P4HA1: variants seen among roughly 807,000 people sequenced by gnomAD.
P4HA1 encodes the protein prolyl 4-hydroxylase subunit alpha-1.
P4HA1 carries 24 observed loss-of-function variants against 72.8 expected under a neutral mutation model. The observed-to-expected ratio is 0.33, with a 90% CI of 0.24 to 0.46. The LOEUF is 0.46. P4HA1 is among the 20% of genes least tolerant of loss of function. P4HA1 has a pLI of 1.00. For missense variants in P4HA1, 446 were observed against 640.6 expected (o/e 0.70, Z 3.28); for synonymous variants, 201 against 218.8 (o/e 0.92, Z 0.72).
chr10:73,055,910 A>G (rs1435730210), intron 5 of P4HA1, among the ~76,000 whole-genome samples: 1 of 152,226 alleles, frequency 6.6e-6, no homozygotes, highest in Non-Finnish European at 1.5e-5. Context: ...TAATATGTCC[A>G]AGGTCACATG....
chr10:73,057,229 G>A (rs988927753), intron 5 of P4HA1, among the ~76,000 whole-genome samples: 7 of 152,104 alleles, frequency 4.6e-5, no homozygotes, highest in East Asian at 1.9e-4. Flanking sequence ...GGTGGCTCAC[G>A]CCTGTAATCC....
chr10:73,093,907 T>TATATACACAC (rs1256283876), intron 1 of P4HA1, among the ~76,000 whole-genome samples: 4 of 55,596 alleles, frequency 7.2e-5, no homozygotes, highest in African/African-American at 2.8e-4. Flanking sequence ...TATATATATA[T>TATATACACAC]ACACACACAC....
chr10:73,022,866 G>T (rs148746844), intron 10 of P4HA1, among the ~76,000 whole-genome samples: 2 of 152,182 alleles, frequency 1.3e-5, no homozygotes, highest in African/African-American at 4.8e-5. Context: ...TTCGGTAGCC[G>T]ATTTGATCAA....
intron 1 of P4HA1, among the ~76,000 whole-genome samples, chr10:73,080,090 G>A (rs1445113888): frequency 6.6e-6 from 1 of 152,178 alleles, no homozygotes; most frequent in Non-Finnish European, 1.5e-5. Flanking sequence ...CCAGGGCCCT[G>A]ATTCTTTGCA....
chr10:73,037,618 A>G (rs1253928393), intron 9 of P4HA1, among the ~76,000 whole-genome samples: 4 of 133,388 alleles, frequency 3.0e-5, no homozygotes, highest in Admixed American at 2.4e-4. Context: ...GTCACACCCC[A>G]AAGTGCCAGT....
intron 10 of P4HA1, among the ~76,000 whole-genome samples, chr10:73,021,707 C>G (rs976689923): frequency 1.3e-5 from 2 of 152,190 alleles, no homozygotes; most frequent in East Asian, 3.8e-4. Flanking sequence ...CCAGGAAGCA[C>G]AAGGAGTCAG....
intron 10 of P4HA1, among the ~76,000 whole-genome samples, chr10:73,025,648 A>G: frequency 6.6e-6 from 1 of 151,918 alleles, no homozygotes; most frequent in African/African-American, 2.4e-5. Flanking sequence ...AAGGGTATTC[A>G]ATTAGGAAAA....
At chr10:73,088,333 G>A (rs991293066) in intron 1 of P4HA1, among the ~76,000 whole-genome samples, 2 of 152,196 alleles carry the variant, frequency 1.3e-5, no homozygotes, top group Non-Finnish European at 2.9e-5. Flanking sequence ...ATCTGGGTAA[G>A]TCTGTAAGAA....
chr10:73,032,136 C>T (rs879624621), intron 9 of P4HA1, among the ~76,000 whole-genome samples: 4 of 152,188 alleles, frequency 2.6e-5, no homozygotes, highest in Non-Finnish European at 1.5e-5. Flanking sequence ...TAACTCACTT[C>T]AGCCTCTCCC....
chr10:73,079,080 C>G (rs1841768300), intron 1 of P4HA1, among the ~76,000 whole-genome samples: 1 of 152,146 alleles, frequency 6.6e-6, no homozygotes, highest in South Asian at 2.1e-4. Context: ...AAAAGAGTAG[C>G]TAACAAATAA....
In P4HA1 at chr10:73,008,214, C is replaced by A. The variant is rs757073232; in HGVS notation, c.*8G>T. 2 of 1,580,824 alleles carry A rather than the reference C, an allele frequency of 1.3e-6. No individual in the cohort carries two copies. The highest frequency in any genetic ancestry group is 2.2e-5 in the South Asian group (2 of 90,042). The stretch of plus-strand genomic sequence containing the variant: ...TACAACAATAGGAGAAAAAGGGAAG[C>A]CTGTTTGTCATTCCAATTCTGACAA... On this transcript the variant is annotated 3_prime_UTR_variant, in exon 15 of 15. Transcript: ENST00000394890.
In P4HA1 at chr10:73,031,640, TGGGGC is replaced by T. The variant is rs1274414518; in HGVS notation, c.1149-1275_1149-1271del. Among the ~76,000 whole-genome samples, 4 of 150,906 alleles carry T rather than the reference TGGGGC, an allele frequency of 2.7e-5. No homozygotes were observed. The East Asian group carries it at 5.8e-4, about 22-fold the overall frequency. ...ATTAGTGGTTGCCAGGGGATGGGGA[TGGGGC>T]TGGGGGGAATGGGAAATGACTCCTA... is the stretch of plus-strand genomic sequence containing the variant. On this transcript the variant is annotated intron_variant, in intron 9 of 14. Coordinates refer to ENST00000394890, the MANE Select transcript of P4HA1 (RefSeq NM_001017962.3).
intron 10 of P4HA1, among the ~76,000 whole-genome samples, chr10:73,027,646 A>AGGGGGG (rs1167141206): frequency 2.4e-5 from 1 of 41,332 alleles, no homozygotes; most frequent in African/African-American, 1.1e-4. Flanking sequence ...AGGGAGGGGG[A>AGGGGGG]GGGGGGAGGG....
intron 1 of P4HA1, among the ~76,000 whole-genome samples, chr10:73,086,146 T>C (rs1340853275): frequency 2.6e-5 from 4 of 152,170 alleles, no homozygotes; most frequent in Non-Finnish European, 4.4e-5. Flanking sequence ...CTGAACAGAA[T>C]AACCATATGG....
At chr10:73,011,146 T>A in intron 12 of P4HA1, 109 bp from the exon 13 acceptor site, 1 of 808,252 alleles carries the variant, frequency 1.2e-6, no homozygotes, top group Non-Finnish European at 2.0e-6. Context: ...TATGGACTTG[T>A]TCTTATATAG....
intron 10 of P4HA1, among the ~76,000 whole-genome samples, chr10:73,017,422 C>A (rs1840037204): frequency 6.6e-6 from 1 of 151,980 alleles, no homozygotes; most frequent in East Asian, 1.9e-4. Context: ...CACAAGTGAT[C>A]CTCCCACTTC....
intron 1 of P4HA1, among the ~76,000 whole-genome samples, chr10:73,093,091 T>C (rs185460618): frequency 2.6e-3 from 384 of 146,144 alleles, no homozygotes; most frequent in African/African-American, 9.3e-3. Flanking sequence ...CTGCACTCCA[T>C]CCTGGGCAAC....
chr10:73,059,424 T>TAAAAAAAAA (rs920360586), intron 5 of P4HA1, among the ~76,000 whole-genome samples: 1 of 24,178 alleles, frequency 4.1e-5, no homozygotes, highest in Non-Finnish European at 1.0e-4. Context: ...ACAATATATT[T>TAAAAAAAAA]AAAAAAAAAA....
In P4HA1 at chr10:73,017,163, CTACAGATGTATATATAGATA is replaced by C. The variant is rs1564618970; in HGVS notation, c.1249-284_1249-265del. Among the ~76,000 whole-genome samples the C allele has an allele frequency of 2.7e-3, 384 of 141,442 alleles. 48 individuals carry two copies. Among genetic ancestry groups the C allele is most frequent in the African/African-American group, 0.01 (353 of 34,380 alleles). The allele number at this position is 141,442 out of a possible 152,430, so 92.8% of individuals were successfully genotyped here. On this transcript the variant is annotated intron_variant, in intron 10 of 14. Transcript: ENST00000394890. ...CAGATGTATATATAGATATCTATAT[CTACAGATGTATATATAGATA>C]TCTATATCTACAGATGTATATATAG...
Sources: gnomAD v4.1 joint callset for allele counts (sites outside exome capture counted in the v4.1 genomes callset) on GRCh38, gnomAD v4.1.1 for gene constraint, MANE v1.5 for transcripts, NCBI Gene and HGNC (gene_info 2026-07-23, HGNC 2026-07-21) for gene names.